ADH6: variants seen among roughly 807,000 people sequenced by gnomAD.
The protein encoded by ADH6 is alcohol dehydrogenase 6 (class V).
ADH6 carries 34 observed loss-of-function variants against 36.5 expected under a neutral mutation model. The ratio of observed to expected loss-of-function variants is 0.93; its 90% CI spans 0.71 to 1.24. The LOEUF is 1.24. ADH6 is among the 50% of genes most tolerant of loss of function. The pLI, the probability that ADH6 is intolerant of heterozygous loss-of-function variation, is 0.00. For missense variants in ADH6, 440 were observed against 447.0 expected, an observed-to-expected ratio of 0.98 and a Z score of 0.14; for synonymous variants, 161 against 155.5, an observed-to-expected ratio of 1.04 and a Z score of -0.26.
rs144262333 is a variant in ADH6 at position 99,208,682 on chromosome 4, T to G, written c.814A>C (p.Asn272His). ...GGATTACATACCAGAACGTCCAGATTTCCAATGGCCTCAAAGCAGAAGTCT... is the reference window on the plus strand; with the variant it reads ...GGATTACATACCAGAACGTCCAGATGTCCAATGGCCTCAAAGCAGAAGTCT... ...GIDFCFEAIG[N>H]LDVLAAALAS... The change falls in exon 6 of 9, where the codon AAT becomes CAT. Residue 272 changes from asparagine (N) to histidine (H), a missense_variant. Coordinates refer to ENST00000394899, the MANE Select transcript of ADH6 (RefSeq NM_001102470.2). The G allele has an allele frequency of 5.0e-6, 8 of 1,613,006 alleles. No homozygotes were observed. In the Admixed American group the frequency reaches 1.3e-4, roughly 27 times the overall value.
chr4:99,206,671 A>G (rs1432489470), intron 7 of ADH6, among the ~76,000 whole-genome samples: 1 of 151,682 alleles, frequency 6.6e-6, no homozygotes, highest in African/African-American at 2.4e-5. Flanking sequence ...TTACTTGGGG[A>G]CTACAGACAG....
rs1365778820 is a variant in ADH6, at chr4:99,202,792, T to A, written c.*1427A>T. On this transcript the variant is annotated 3_prime_UTR_variant, in exon 9 of 9. Transcript: ENST00000394899. The stretch of plus-strand genomic sequence containing the variant: ...TTTGGGGGCAGAACAGGAACATGCC[T>A]TAGCTGCTGTCAGGAAATAGAAGAG... 1 of 398,052 alleles carries A rather than the reference T, an allele frequency of 2.5e-6. No homozygotes were observed. The highest frequency in any genetic ancestry group is 4.4e-6 in the Non-Finnish European group (1 of 225,714). 24.7% of individuals were successfully genotyped at this position (398,052 alleles called of 1,614,324 possible).
chr4:99,213,109 T>C (rs1018427694), intron 3 of ADH6, among the ~76,000 whole-genome samples: 18 of 152,254 alleles, frequency 1.2e-4, no homozygotes, highest in African/African-American at 4.1e-4. Context: ...CAACCCAATT[T>C]ACTTTTTTAG....
At chr4:99,217,597 A>G (rs1459181051) in intron 1 of ADH6, among the ~76,000 whole-genome samples, 1 of 152,118 alleles carries the variant, frequency 6.6e-6, no homozygotes, top group Non-Finnish European at 1.5e-5. Context: ...TATGTACCGC[A>G]TTTTGTTTAT....
chr4:99,214,495 T>C (rs1731334504), intron 2 of ADH6, among the ~76,000 whole-genome samples: 1 of 152,214 alleles, frequency 6.6e-6, no homozygotes, highest in Admixed American at 6.5e-5. Context: ...AAGTGAGCTT[T>C]ATAGTTTTGT....
At chr4:99,210,006 G>C (rs6833176) in intron 5 of ADH6, 76 bp downstream of exon 5, 804,252 of 1,440,230 alleles carry the variant, frequency 0.56, 231,794 homozygotes, top group East Asian at 0.89. Context: ...TATGATAAGA[G>C]ATGACAAAGA....
rs1130921 is a variant in ADH6, at chr4:99,202,720, C to T, written c.*1499G>A. 0.15 allele frequency: 58,857 copies of T among 397,892 alleles called. 5,082 individuals carry two copies. Among genetic ancestry groups the T allele is most frequent in the Non-Finnish European group, 0.18 (40,135 of 225,604 alleles). The allele number at this position is 397,892 out of a possible 1,614,324, so 24.6% of individuals were successfully genotyped here. A position where few individuals can be genotyped will look rare whatever the true frequency, so the allele number is the denominator to read the frequency against. On this transcript the variant is annotated 3_prime_UTR_variant, in exon 9 of 9. Transcript: ENST00000394899. ...AACGTTTCCGGGAAAACTTGGATTTCCCAAGACCCGAAGACTCCTCCAAGT... is the reference window on the plus strand; with the variant it reads ...AACGTTTCCGGGAAAACTTGGATTTTCCAAGACCCGAAGACTCCTCCAAGT...
At position 99,202,840 on chromosome 4, in the gene ADH6, G is replaced by A. The variant is rs1011228642; in HGVS notation, c.*1379C>T. On this transcript the variant is annotated 3_prime_UTR_variant, in exon 9 of 9. Transcript: ENST00000394899. ...GAGCAGAGCAGAGTTGGGCATGGAG[G>A]CTCCAGCTCAGACTTGGGAAGATGG... 1.8e-5 allele frequency: 7 copies of A among 397,770 alleles called. No homozygotes were observed. In the Admixed American group the frequency reaches 2.2e-4, roughly 13 times the overall value. 24.6% of individuals were successfully genotyped at this position (397,770 alleles called of 1,614,324 possible). A position where few individuals can be genotyped will look rare whatever the true frequency, so the allele number is the denominator to read the frequency against.
chr4:99,212,614 G>T (rs541021572), intron 3 of ADH6, among the ~76,000 whole-genome samples: 1 of 151,722 alleles, frequency 6.6e-6, no homozygotes, highest in Non-Finnish European at 1.5e-5. Context: ...TATACCATTT[G>T]ACCACATCTC....
intron 3 of ADH6, among the ~76,000 whole-genome samples, chr4:99,212,811 G>T (rs942944366): frequency 6.6e-6 from 1 of 151,256 alleles, no homozygotes; most frequent in Non-Finnish European, 1.5e-5. Context: ...TGCTTTTAAA[G>T]AAATTATTTC....
intron 1 of ADH6, among the ~76,000 whole-genome samples, chr4:99,217,266 G>C (rs1309074460): frequency 6.6e-6 from 1 of 152,084 alleles, no homozygotes; most frequent in East Asian, 1.9e-4. Flanking sequence ...TTGATCTCCT[G>C]ACCTCGTGAT....
At position 99,204,262 on chromosome 4, in the gene ADH6, GA is replaced by G; in HGVS notation, c.1104-20del. Reference sequence around the variant, plus strand: ...GCGGATACTGAAAAAAAGAAGAAGAGAAAAAAGGTTGGAACATTTTTAGAGC... The same window carrying G: ...GCGGATACTGAAAAAAAGAAGAAGAGAAAAAGGTTGGAACATTTTTAGAGC... On this transcript the variant is annotated intron_variant, in intron 8 of 8. Coordinates refer to ENST00000394899, the MANE Select transcript of ADH6 (RefSeq NM_001102470.2). 6.3e-7 allele frequency: 1 copy of G among 1,596,868 alleles called. No homozygotes were observed. The highest frequency in any genetic ancestry group is 8.5e-7 in the Non-Finnish European group (1 of 1,177,660).
At chr4:99,218,982 G>A (rs1731544395) in intron 1 of ADH6, among the ~76,000 whole-genome samples, 153 bp downstream of exon 1, 1 of 152,128 alleles carries the variant, frequency 6.6e-6, no homozygotes, top group African/African-American at 2.4e-5. Flanking sequence ...GGGAATTAAG[G>A]AAAAAGGAGA....
rs146084391 is a variant in ADH6 at position 99,216,173 on chromosome 4, T to C, written c.108A>G (p.Glu36=). ...TTTTTTTTTTTACCTTTATGCGAAC[T>C]TCCTTTGCCTTTGGTGGGGCCACTT... is the stretch of plus-strand genomic sequence containing the variant. ...EVEVAPPKAK[E]VRIKVVATGL... The change falls in exon 2 of 9, where the codon GAA becomes GAG. Residue 36 remains glutamate (E), a synonymous_variant. Transcript: ENST00000394899. The C allele has an allele frequency of 4.8e-3, 6,489 of 1,363,218 alleles. 28 individuals are homozygous for C. Among genetic ancestry groups the C allele is most frequent in the Non-Finnish European group, 5.4e-3 (5,486 of 1,010,176 alleles). 84.4% of individuals were successfully genotyped at this position (1,363,218 alleles called of 1,614,324 possible).
At chr4:99,209,232 T>G (rs144855635) in intron 5 of ADH6, among the ~76,000 whole-genome samples, 1 of 152,228 alleles carries the variant, frequency 6.6e-6, no homozygotes. Context: ...GACAGTGTAT[T>G]TAATTCCAGA....
At position 99,203,599 on chromosome 4, in the gene ADH6, T is replaced by G. The variant is rs1730926397; in HGVS notation, c.*620A>C. The G allele has an allele frequency of 6.6e-6, 1 of 151,922 alleles. No homozygotes were observed. The highest frequency in any genetic ancestry group is 6.6e-5 in the Admixed American group (1 of 15,230). The allele number at this position is 151,922 out of a possible 1,614,324, so 9.4% of individuals were successfully genotyped here. A position where few individuals can be genotyped will look rare whatever the true frequency, so the allele number is the denominator to read the frequency against. On this transcript the variant is annotated 3_prime_UTR_variant, in exon 9 of 9. Coordinates refer to ENST00000394899, the MANE Select transcript of ADH6 (RefSeq NM_001102470.2). ...CCTGTATGATGACTCCCCTCATCCC[T>G]TTTTTTTCTGCTGGATCCCTAGGTG...
rs985883100 is a variant in ADH6, at chr4:99,211,039, C to G, written c.263-537G>C. ...ATCAGGACATGATTAGAAGAGCTTG[C>G]CTGTGATGTATTTTACTGGCTGCCC... On this transcript the variant is annotated intron_variant, in intron 3 of 8. Coordinates refer to ENST00000394899, the MANE Select transcript of ADH6 (RefSeq NM_001102470.2). 2.6e-5 allele frequency among the ~76,000 whole-genome samples: 4 copies of G among 152,042 alleles called. No individual in the cohort carries two copies. In the South Asian group the frequency reaches 8.3e-4, roughly 32 times the overall value.
Position 99,202,703 on chromosome 4 carries a change from C to T in ADH6, c.*1516G>A, listed in dbSNP as rs1308863928. The T allele has an allele frequency of 4.5e-5, 18 of 397,970 alleles. No homozygotes were observed. The highest frequency in any genetic ancestry group is 6.3e-4 in the Middle Eastern group (1 of 1,584). 24.7% of individuals were successfully genotyped at this position (397,970 alleles called of 1,614,324 possible). On this transcript the variant is annotated 3_prime_UTR_variant, in exon 9 of 9. Coordinates refer to ENST00000394899, the MANE Select transcript of ADH6 (RefSeq NM_001102470.2). ...GACACTGTTTACAACAAAACGTTTC[C>T]GGGAAAACTTGGATTTCCCAAGACC...
Position 99,204,999 on chromosome 4 carries a change from T to G in ADH6, c.1029A>C (p.Leu343=). The change falls in exon 8 of 9, where the codon CTA becomes CTC. Residue 343 remains leucine, a synonymous_variant. Transcript: ENST00000394899. Reference sequence around the variant, plus strand: ...TCAGAGTATGAGTAATTAGTGGATCTAGATTCAACTTCTCTGCCATATAAT... The same window carrying G: ...TCAGAGTATGAGTAATTAGTGGATCGAGATTCAACTTCTCTGCCATATAAT... The part of the protein sequence containing the change: ...VADYMAEKLN[L]DPLITHTLNL... 1.2e-6 allele frequency: 2 copies of G among 1,609,814 alleles called. No homozygotes were observed. Among genetic ancestry groups the G allele is most frequent in the Non-Finnish European group, 1.7e-6 (2 of 1,178,012 alleles).
Sources: allele counts gnomAD v4.1 joint callset (sites outside exome capture counted in the v4.1 genomes callset), GRCh38; gene constraint gnomAD v4.1.1; transcripts MANE v1.5; gene names NCBI Gene and HGNC (gene_info 2026-07-23, HGNC 2026-07-21).